SLC35F2: variants seen among roughly 807,000 people sequenced by gnomAD.
SLC35F2 encodes the protein solute carrier family 35 member F2, also known as queuine/queuosine transporter SLC35F2.
A neutral mutation model predicts 38.1 loss-of-function variants in SLC35F2; 25 were observed. The ratio of observed to expected loss-of-function variants is 0.66; its 90% CI spans 0.48 to 0.92. SLC35F2 has a LOEUF of 0.92. Ranked by LOEUF, SLC35F2 falls within the 40% of genes least tolerant of loss-of-function variation. The pLI, the probability that SLC35F2 is intolerant of heterozygous loss-of-function variation, is 0.00. For missense variants in SLC35F2, 409 were observed against 452.9 expected, an observed-to-expected ratio of 0.90 and a Z score of 0.88; for synonymous variants, 173 against 181.7, an observed-to-expected ratio of 0.95 and a Z score of 0.38.
chr11:107,794,220 A>G (rs1348907220), intron 7 of SLC35F2, among the ~76,000 whole-genome samples: 3 of 151,816 alleles, frequency 2.0e-5, no homozygotes, highest in Non-Finnish European at 4.4e-5. Flanking sequence ...AGCTGGGACT[A>G]CAAGCATGCA....
chr11:107,835,001 T>A (rs1029349322), intron 1 of SLC35F2, among the ~76,000 whole-genome samples: 3 of 152,072 alleles, frequency 2.0e-5, no homozygotes, highest in African/African-American at 4.8e-5. Context: ...CATAATATCA[T>A]CCCATAGCCA....
chr11:107,797,984 TTTTA>T (rs1380720608), intron 7 of SLC35F2, among the ~76,000 whole-genome samples: 8 of 131,406 alleles, frequency 6.1e-5, no homozygotes, highest in African/African-American at 2.0e-4. Context: ...AGTTGGTATT[TTTTA>T]TTTTTTTTTG....
intron 1 of SLC35F2, among the ~76,000 whole-genome samples, chr11:107,820,141 A>G (rs1859644570): frequency 6.7e-6 from 1 of 150,152 alleles, no homozygotes; most frequent in African/African-American, 2.5e-5. Context: ...CTGTAATCCC[A>G]GCTTCTCGGA....
intron 4 of SLC35F2, among the ~76,000 whole-genome samples, chr11:107,805,947 A>G (rs1393767981): frequency 1.3e-5 from 2 of 151,976 alleles, no homozygotes; most frequent in African/African-American, 4.8e-5. Context: ...TGCCTGGCCT[A>G]ATTTTTGTAT....
intron 1 of SLC35F2, among the ~76,000 whole-genome samples, chr11:107,853,222 T>C (rs1860216860): frequency 6.6e-6 from 1 of 152,138 alleles, no homozygotes; most frequent in Non-Finnish European, 1.5e-5. Context: ...TCCCTAACCC[T>C]ATCTCACCCT....
chr11:107,840,294 G>A (rs1431732913), intron 1 of SLC35F2, among the ~76,000 whole-genome samples: 1 of 152,198 alleles, frequency 6.6e-6, no homozygotes, highest in Non-Finnish European at 1.5e-5. Context: ...TGGATTGCAA[G>A]AGAGTACATC....
intron 7 of SLC35F2, among the ~76,000 whole-genome samples, chr11:107,794,083 CT>C (rs10664346): frequency 0.49 from 67,161 of 137,676 alleles, 16,203 homozygotes; most frequent in Non-Finnish European, 0.53. Context: ...TGTATTTTTT[CT>C]TTTTTTTTTT....
chr11:107,827,205 T>C (rs1251526327), intron 1 of SLC35F2, among the ~76,000 whole-genome samples: 1 of 152,136 alleles, frequency 6.6e-6, no homozygotes, highest in African/African-American at 2.4e-5. Flanking sequence ...TTTCATAACA[T>C]ATACATATAT....
intron 1 of SLC35F2, among the ~76,000 whole-genome samples, chr11:107,832,803 T>A (rs914869764): frequency 1.1e-4 from 17 of 152,166 alleles, no homozygotes; most frequent in African/African-American, 4.1e-4. Context: ...TGAGACCCTG[T>A]CTCAAAAACA....
chr11:107,825,307 T>C (rs1859736562), intron 1 of SLC35F2, among the ~76,000 whole-genome samples: 2 of 152,008 alleles, frequency 1.3e-5, no homozygotes, highest in South Asian at 4.1e-4. Context: ...CTTGTTAAAG[T>C]GCAGCTTCTG....
intron 2 of SLC35F2, among the ~76,000 whole-genome samples, chr11:107,813,524 C>A (rs1266076170): frequency 2.0e-5 from 3 of 152,128 alleles, no homozygotes; most frequent in Non-Finnish European, 4.4e-5. Flanking sequence ...CATCAAATGG[C>A]ATAGGAAGCA....
intron 1 of SLC35F2, among the ~76,000 whole-genome samples, chr11:107,825,402 C>T (rs888611584): frequency 5.8e-5 from 8 of 137,648 alleles, no homozygotes; most frequent in South Asian, 2.3e-4. Context: ...GATGGAGTCT[C>T]GATCTGTTGC....
At chr11:107,819,002 T>A (rs1859628538) in intron 1 of SLC35F2, among the ~76,000 whole-genome samples, 1 of 152,154 alleles carries the variant, frequency 6.6e-6, no homozygotes, top group Non-Finnish European at 1.5e-5. Flanking sequence ...GGGGTGGTTA[T>A]AGATATGCTG....
intron 7 of SLC35F2, among the ~76,000 whole-genome samples, chr11:107,798,026 CAG>C (rs1859248840): frequency 6.6e-6 from 1 of 151,782 alleles, no homozygotes; most frequent in African/African-American, 2.4e-5. Flanking sequence ...TTTTTTGAGA[CAG>C]AGTCTTGCTC....
intron 1 of SLC35F2, among the ~76,000 whole-genome samples, chr11:107,842,287 T>TAAAAAAAAAAAAAAAAAAAAAAAAAA (rs1292690214): frequency 1.4e-5 from 1 of 71,184 alleles, no homozygotes. Flanking sequence ...AAAAAAAAAT[T>TAAAAAAAAAAAAAAAAAAAAAAAAAA]AAAGCTTGAC....
At chr11:107,815,307 T>G (rs1265241903) in intron 2 of SLC35F2, among the ~76,000 whole-genome samples, 1 of 151,226 alleles carries the variant, frequency 6.6e-6, no homozygotes, top group Non-Finnish European at 1.5e-5. Flanking sequence ...CCTAGCACTT[T>G]GGGAGGCTGA....
chr11:107,844,978 GAA>G (rs370512798), intron 1 of SLC35F2, among the ~76,000 whole-genome samples: 65 of 110,610 alleles, frequency 5.9e-4, no homozygotes, highest in Admixed American at 1.1e-3. Flanking sequence ...TCCATCTCAA[GAA>G]AAAAAAAAAA....
chr11:107,798,683 CTCT>C (rs1465027933), intron 7 of SLC35F2, among the ~76,000 whole-genome samples: 3 of 152,172 alleles, frequency 2.0e-5, no homozygotes, highest in African/African-American at 7.2e-5. Context: ...AATTCTGAGC[CTCT>C]TTTTCAACTG....
In SLC35F2 at chr11:107,833,417, G is replaced by A. The variant is rs144556087; in HGVS notation, c.111-17452C>T. Among the ~76,000 whole-genome samples the A allele has an allele frequency of 3.7e-3, 555 of 151,780 alleles. 4 individuals carry two copies. Among genetic ancestry groups the A allele is most frequent in the African/African-American group, 0.013 (517 of 41,346 alleles). ...GCCTGTAATCCCAGCTACTTGGGAG[G>A]CTGAGGCAGGAGAATAGCTTGAACC... On this transcript the variant is annotated intron_variant, in intron 1 of 7. Transcript: ENST00000525815.
Sources: gnomAD v4.1 joint callset for allele counts (sites outside exome capture counted in the v4.1 genomes callset) on GRCh38, gnomAD v4.1.1 for gene constraint, MANE v1.5 for transcripts, NCBI Gene and HGNC (gene_info 2026-07-23, HGNC 2026-07-21) for gene names.